Variants in RIN2 observed in about 807,000 individuals in gnomAD.
RIN2 encodes the protein RAB5 interacting protein 2.
Under a neutral mutation model 78.0 loss-of-function variants are expected in RIN2, and 36 were observed. The ratio of observed to expected loss-of-function variants is 0.46; its 90% CI spans 0.35 to 0.61. The LOEUF is 0.61. RIN2 is among the 20% of genes least tolerant of loss of function. The pLI, the probability that RIN2 is intolerant of heterozygous loss-of-function variation, is 0.00. For synonymous variants in RIN2, 466 were observed against 466.8 expected (o/e 1.00, Z 0.02); for missense variants, 1,087 against 1,159.7 (o/e 0.94, Z 0.91).
rs2036643637 is a variant in RIN2 at position 19,843,517 on chromosome 20, T to C, written c.-37+43770T>C. Among the ~76,000 whole-genome samples the C allele has an allele frequency of 2.0e-5, 3 of 152,368 alleles. No homozygotes were observed. The South Asian group carries it at 6.2e-4, about 32-fold the overall frequency. On this transcript the variant is annotated intron_variant, in intron 2 of 12. Coordinates refer to ENST00000255006, the MANE Select transcript of RIN2 (RefSeq NM_018993.4). ...TGCTGAAGGCCCAGATGATCGTTAG[T>C]ATTTTTCGGAGATAAAGTATTTTTA...
intron 1 of RIN2, among the ~76,000 whole-genome samples, chr20:19,791,292 G>A (rs919029357): frequency 3.3e-5 from 5 of 152,060 alleles, no homozygotes; most frequent in African/African-American, 1.2e-4. Context: ...TTCCAAAAAA[G>A]TGAATGAATT....
chr20:19,983,666 A>G (rs1211297676), intron 9 of RIN2, among the ~76,000 whole-genome samples: 1 of 152,212 alleles, frequency 6.6e-6, no homozygotes, highest in African/African-American at 2.4e-5. Flanking sequence ...AAACTCATGG[A>G]TTTTTAAATT....
chr20:19,938,556 C>T (rs556341349), intron 4 of RIN2, among the ~76,000 whole-genome samples: 1 of 152,042 alleles, frequency 6.6e-6, no homozygotes, highest in Non-Finnish European at 1.5e-5. Context: ...CACACCTTTC[C>T]TTTTCTCTCT....
chr20:19,873,411 C>T (rs1600671060), intron 2 of RIN2, among the ~76,000 whole-genome samples: 1 of 152,168 alleles, frequency 6.6e-6, no homozygotes, highest in African/African-American at 2.4e-5. Flanking sequence ...CAGGTGTGCA[C>T]CACCATGTCC....
At chr20:19,976,669 C>T (rs560355172) in intron 9 of RIN2, among the ~76,000 whole-genome samples, 2 of 152,294 alleles carry the variant, frequency 1.3e-5, no homozygotes, top group South Asian at 4.1e-4. Flanking sequence ...AGAAGGTTGA[C>T]TCTTGAAGGT....
chr20:19,849,671 C>T (rs2036899302), intron 2 of RIN2, among the ~76,000 whole-genome samples: 1 of 152,074 alleles, frequency 6.6e-6, no homozygotes, highest in African/African-American at 2.4e-5. Flanking sequence ...TAAGAGGTGT[C>T]CTGTGTTCAG....
chr20:19,922,395 G>A (rs79344813), intron 3 of RIN2, among the ~76,000 whole-genome samples: 2,008 of 152,282 alleles, frequency 0.013, 18 homozygotes, highest in Non-Finnish European at 0.02. Flanking sequence ...CTCTGGAGGT[G>A]TGAGAGGCCC....
chr20:19,869,081 C>CAAAAAAAAA (rs11413677), intron 2 of RIN2, among the ~76,000 whole-genome samples: 2 of 76,316 alleles, frequency 2.6e-5, no homozygotes, highest in Non-Finnish European at 4.7e-5. Flanking sequence ...GACTCCGTCT[C>CAAAAAAAAA]AAAAAAAAAA....
In RIN2 at chr20:19,975,088, C is replaced by G. The variant is rs1231591104; in HGVS notation, c.1063C>G (p.Pro355Ala). ...AGCTCTGCCTGGAACGAAACCAACT[C>G]CCATCCCTCCACCCCGGCTGAAGAA... The part of the protein sequence containing the change: ...NVALPGTKPT[P>A]IPPPRLKKQA... The change falls in exon 9 of 13, where the codon CCC becomes GCC. Residue 355 changes from proline (P) to alanine (A), a missense_variant. Pro to Ala is a conservative substitution (Grantham distance 27). Coordinates refer to ENST00000255006, the MANE Select transcript of RIN2 (RefSeq NM_018993.4). This position sits in a 1 kb window ranked among gnomAD's most constrained non-coding sequence, Gnocchi z 4.9. The G allele has an allele frequency of 4.3e-6, 7 of 1,613,438 alleles. No homozygotes were observed. The highest frequency in any genetic ancestry group is 1.3e-5 in the African/African-American group (1 of 74,962).
intron 2 of RIN2, among the ~76,000 whole-genome samples, chr20:19,878,685 C>T (rs1292190358): frequency 1.3e-5 from 2 of 152,150 alleles, no homozygotes; most frequent in African/African-American, 4.8e-5. Context: ...GTCCACCCAG[C>T]ATCCTCATGG....
intron 1 of RIN2, among the ~76,000 whole-genome samples, chr20:19,764,355 C>G (rs757802533): frequency 5.8e-5 from 5 of 86,560 alleles, no homozygotes; most frequent in Non-Finnish European, 1.1e-4. Context: ...TGCATGGAAA[C>G]CTTTGAGTCT....
chr20:19,901,752 C>A (rs959802534), intron 3 of RIN2, among the ~76,000 whole-genome samples: 2 of 152,080 alleles, frequency 1.3e-5, no homozygotes, highest in South Asian at 2.1e-4. Flanking sequence ...TGCGGTGGCC[C>A]ACACCTGTAA....
chr20:19,839,450 G>A (rs147370860), intron 2 of RIN2, among the ~76,000 whole-genome samples: 51 of 152,306 alleles, frequency 3.3e-4, no homozygotes, highest in African/African-American at 1.1e-3. Flanking sequence ...AACTCGATGA[G>A]GTTCCATAAC....
chr20:19,866,718 A>G (rs1354314143), intron 2 of RIN2, among the ~76,000 whole-genome samples: 1 of 152,124 alleles, frequency 6.6e-6, no homozygotes, highest in South Asian at 2.1e-4. Context: ...TCCACCTCCC[A>G]GGTTCAAATG....
intron 4 of RIN2, among the ~76,000 whole-genome samples, chr20:19,937,469 C>T (rs988674488): frequency 1.3e-5 from 2 of 152,216 alleles, no homozygotes; most frequent in East Asian, 3.9e-4. Flanking sequence ...TATCCCACCA[C>T]AGCCACCACG....
intron 10 of RIN2, among the ~76,000 whole-genome samples, chr20:19,991,137 A>G (rs866603640): frequency 6.6e-6 from 1 of 152,228 alleles, no homozygotes; most frequent in African/African-American, 2.4e-5. Context: ...CACAGGCTGT[A>G]TTAACCACTG....
chr20:19,869,833 T>C (rs1302565150), intron 2 of RIN2, among the ~76,000 whole-genome samples: 3 of 151,390 alleles, frequency 2.0e-5, no homozygotes, highest in African/African-American at 7.3e-5. Flanking sequence ...TATTTATTTA[T>C]TGTAGAGAAG....
At chr20:19,758,787 G>T (rs908389124) in intron 1 of RIN2, among the ~76,000 whole-genome samples, 6 of 152,208 alleles carry the variant, frequency 3.9e-5, no homozygotes, top group African/African-American at 1.4e-4. Context: ...GCGCCTGAGC[G>T]CGCGGGTCAG....
At chr20:19,840,256 G>T (rs2036541377) in intron 2 of RIN2, among the ~76,000 whole-genome samples, 1 of 152,122 alleles carries the variant, frequency 6.6e-6, no homozygotes, top group Non-Finnish European at 1.5e-5. Context: ...GGTGAGTCTG[G>T]GTCTCAGGGT....
Sources: allele counts gnomAD v4.1 joint callset (sites outside exome capture counted in the v4.1 genomes callset), GRCh38; gene constraint gnomAD v4.1.1; non-coding constraint Gnocchi (gnomAD v3.1); transcripts MANE v1.5; gene names NCBI Gene and HGNC (gene_info 2026-07-23, HGNC 2026-07-21).